Variants in PPM1E observed in about 807,000 individuals in gnomAD.
PPM1E encodes the protein protein phosphatase 1E.
A neutral mutation model predicts 65.9 loss-of-function variants in PPM1E; 20 were observed. The observed-to-expected ratio is 0.30, with a 90% CI of 0.21 to 0.44. PPM1E has a LOEUF of 0.44. Among genes scored for constraint, PPM1E ranks in the 20% least tolerant of loss-of-function variants. The probability of loss-of-function intolerance (pLI) is 1.00; values close to 1 mark genes in which losing one functional copy is unlikely to be tolerated. For missense variants in PPM1E, 713 were observed against 953.1 expected (o/e 0.75, Z 3.32); for synonymous variants, 352 against 374.9 (o/e 0.94, Z 0.70).
intron 1 of PPM1E, among the ~76,000 whole-genome samples, chr17:58,814,108 G>A (rs2050394013): frequency 6.6e-6 from 1 of 152,138 alleles, no homozygotes; most frequent in Non-Finnish European, 1.5e-5. Context: ...ACATGCTAAA[G>A]AAGAACACAG....
At chr17:58,847,458 G>C (rs2050783218) in intron 1 of PPM1E, among the ~76,000 whole-genome samples, 1 of 152,192 alleles carries the variant, frequency 6.6e-6, no homozygotes, top group African/African-American at 2.4e-5. Context: ...TAAGGTGTAA[G>C]GAAGGGATCC....
chr17:58,831,421 A>T (rs949954553), intron 1 of PPM1E, among the ~76,000 whole-genome samples: 1 of 152,200 alleles, frequency 6.6e-6, no homozygotes, highest in African/African-American at 2.4e-5. Flanking sequence ...AATTTTAGTA[A>T]GGTGATTTAC....
intron 2 of PPM1E, among the ~76,000 whole-genome samples, chr17:58,956,814 A>G (rs975982406): frequency 6.6e-6 from 1 of 152,230 alleles, no homozygotes; most frequent in Non-Finnish European, 1.5e-5. Context: ...GCCTTTAATC[A>G]TGGTATATAT....
intron 5 of PPM1E, among the ~76,000 whole-genome samples, 192 bp from the exon 6 acceptor site, chr17:58,972,640 C>T (rs553164993): frequency 2.1e-4 from 32 of 152,210 alleles, no homozygotes; most frequent in African/African-American, 7.7e-4. Flanking sequence ...CGTGAGCCAC[C>T]GCGCCCGGCC....
At chr17:58,818,779 T>C (rs1270861098) in intron 1 of PPM1E, among the ~76,000 whole-genome samples, 2 of 152,222 alleles carry the variant, frequency 1.3e-5, no homozygotes, top group Admixed American at 6.5e-5. Flanking sequence ...AAAATCTCTT[T>C]ATGTAAACTC....
chr17:58,906,331 T>A (rs1370654660), intron 1 of PPM1E, among the ~76,000 whole-genome samples: 1 of 152,172 alleles, frequency 6.6e-6, no homozygotes, highest in Non-Finnish European at 1.5e-5. Flanking sequence ...ATTGATTTCC[T>A]ATTTTCAATT....
chr17:58,910,136 C>T (rs1157781108), intron 1 of PPM1E, among the ~76,000 whole-genome samples: 3 of 151,888 alleles, frequency 2.0e-5, no homozygotes, highest in African/African-American at 7.3e-5. Context: ...CTCCTGACCT[C>T]AGGTGATCCA....
intron 1 of PPM1E, among the ~76,000 whole-genome samples, chr17:58,876,642 C>G (rs2051129461): frequency 6.6e-6 from 1 of 152,002 alleles, no homozygotes; most frequent in South Asian, 2.1e-4. Context: ...AAATTAGAAA[C>G]TGATAGTAAA....
chr17:58,919,425 A>G (rs2051724260), intron 1 of PPM1E, among the ~76,000 whole-genome samples: 3 of 152,246 alleles, frequency 2.0e-5, no homozygotes, highest in Non-Finnish European at 2.9e-5. Flanking sequence ...TTTTAAGCAG[A>G]TAAGTGTCAA....
At chr17:58,864,683 A>T (rs537373888) in intron 1 of PPM1E, among the ~76,000 whole-genome samples, 1 of 151,762 alleles carries the variant, frequency 6.6e-6, no homozygotes, top group African/African-American at 2.4e-5. Flanking sequence ...CACGCCTGTA[A>T]TCCCAGCACT....
At chr17:58,944,198 C>T (rs1323029031) in intron 1 of PPM1E, among the ~76,000 whole-genome samples, 1 of 152,060 alleles carries the variant, frequency 6.6e-6, no homozygotes, top group Non-Finnish European at 1.5e-5. Context: ...TTCACTTCCA[C>T]TATTCAGTAG....
At chr17:58,801,974 TC>T (rs1361676910) in intron 1 of PPM1E, among the ~76,000 whole-genome samples, 1 of 152,080 alleles carries the variant, frequency 6.6e-6, no homozygotes, top group Non-Finnish European at 1.5e-5. Context: ...GCCAGGCTGG[TC>T]CTGAACTCCT....
intron 1 of PPM1E, among the ~76,000 whole-genome samples, chr17:58,805,961 C>CAA (rs71367632): frequency 1.4e-4 from 10 of 69,830 alleles, no homozygotes; most frequent in East Asian, 7.6e-4. Flanking sequence ...AAAAAAAAAA[C>CAA]AAAAAAAAAA....
At chr17:58,951,246 G>C (rs551462659) in intron 1 of PPM1E, 1 of 152,208 alleles carries the variant, frequency 6.6e-6, no homozygotes, top group African/African-American at 2.4e-5. Context: ...CAGGAGGATT[G>C]CCTGAGTCCA....
chr17:58,975,945 CAACA>C (rs1157558893), intron 6 of PPM1E, among the ~76,000 whole-genome samples: 2 of 152,054 alleles, frequency 1.3e-5, no homozygotes, highest in African/African-American at 2.4e-5. Flanking sequence ...ACCTACTAAT[CAACA>C]AACAATCTGG....
At chr17:58,779,040 A>G (rs1414501731) in intron 1 of PPM1E, among the ~76,000 whole-genome samples, 1 of 150,032 alleles carries the variant, frequency 6.7e-6, no homozygotes, top group Non-Finnish European at 1.5e-5. Context: ...CCTTGAAAAC[A>G]TAATGTTGAA....
intron 1 of PPM1E, among the ~76,000 whole-genome samples, chr17:58,861,175 G>T (rs901146622): frequency 6.6e-6 from 1 of 152,164 alleles, no homozygotes; most frequent in Non-Finnish European, 1.5e-5. Context: ...CTGGAAAGGG[G>T]CATGAGGCTA....
intron 1 of PPM1E, among the ~76,000 whole-genome samples, chr17:58,793,352 T>G (rs1449404961): frequency 6.6e-6 from 1 of 151,634 alleles, no homozygotes; most frequent in African/African-American, 2.4e-5. Flanking sequence ...AAATATTTAT[T>G]ATTATTATTA....
At chr17:58,914,276 T>C (rs2051660846) in intron 1 of PPM1E, among the ~76,000 whole-genome samples, 1 of 152,224 alleles carries the variant, frequency 6.6e-6, no homozygotes, top group Admixed American at 6.5e-5. Flanking sequence ...TACTGTTAAC[T>C]ACATTCCAGA....
Sources: gnomAD v4.1 joint callset for allele counts (sites outside exome capture counted in the v4.1 genomes callset) on GRCh38, gnomAD v4.1.1 for gene constraint, MANE v1.5 for transcripts, NCBI Gene and HGNC (gene_info 2026-07-23, HGNC 2026-07-21) for gene names.